The following MRTFA variants were observed in gnomAD, a reference collection of about 807,000 sequenced individuals.
MRTFA encodes myocardin-related transcription factor A.
MRTFA carries 20 observed loss-of-function variants against 83.5 expected under a neutral mutation model. The observed-to-expected ratio is 0.24, with a 90% confidence interval of 0.17 to 0.35. MRTFA has a LOEUF of 0.35. MRTFA is among the 10% of genes least tolerant of loss of function. The pLI, the probability that MRTFA is intolerant of heterozygous loss-of-function variation, is 1.00. For missense variants in MRTFA, 1,200 were observed against 1,224.7 expected, an observed-to-expected ratio of 0.98 and a Z score of 0.30; for synonymous variants, 659 against 541.2, an observed-to-expected ratio of 1.22 and a Z score of -3.02.
chr22:40,629,451 A>G (rs879572049), intron 1 of MRTFA, among the ~76,000 whole-genome samples: 2 of 143,960 alleles, frequency 1.4e-5, no homozygotes, highest in African/African-American at 2.5e-5. Flanking sequence ...GTCTCAAAAC[A>G]TAATTAAAAA....
At chr22:40,477,997 G>A (rs2054026617) in intron 3 of MRTFA, among the ~76,000 whole-genome samples, 1 of 148,982 alleles carries the variant, frequency 6.7e-6, no homozygotes, top group East Asian at 2.0e-4. Flanking sequence ...ATATACAGTT[G>A]AGTGTTCAAA....
chr22:40,552,428 G>A (rs1602419355), intron 2 of MRTFA, 61 bp from the exon 3 acceptor site: 1 of 396,042 alleles, frequency 2.5e-6, no homozygotes, highest in Non-Finnish European at 4.4e-6. Flanking sequence ...GTTTGGTGGT[G>A]TCCTCACCCA....
At chr22:40,616,781 G>A (rs1212493649) in intron 1 of MRTFA, among the ~76,000 whole-genome samples, 1 of 152,060 alleles carries the variant, frequency 6.6e-6, no homozygotes, top group Non-Finnish European at 1.5e-5. Context: ...TCCCAATGGA[G>A]ATAGAAAGTG....
intron 2 of MRTFA, among the ~76,000 whole-genome samples, chr22:40,576,543 C>T (rs1022533): frequency 0.32 from 48,699 of 151,890 alleles, 8,352 homozygotes; most frequent in East Asian, 0.63. Context: ...GATTCTAAAT[C>T]GTGGCATAAG....
intron 3 of MRTFA, among the ~76,000 whole-genome samples, chr22:40,503,984 A>T (rs200565004): frequency 6.6e-6 from 1 of 152,216 alleles, no homozygotes; most frequent in Non-Finnish European, 1.5e-5. Context: ...AACTTCATAG[A>T]TTAATTCAAA....
intron 3 of MRTFA, among the ~76,000 whole-genome samples, chr22:40,488,602 C>T (rs1244060514): frequency 6.6e-6 from 1 of 151,890 alleles, no homozygotes; most frequent in East Asian, 1.9e-4. Flanking sequence ...GAGGCCAAGG[C>T]GGGCGGATCA....
chr22:40,425,243 G>A (rs935495415), intron 7 of MRTFA, among the ~76,000 whole-genome samples: 3 of 152,236 alleles, frequency 2.0e-5, no homozygotes, highest in Non-Finnish European at 4.4e-5. Context: ...TGGGAACAGA[G>A]GCAAGGAGGC....
At chr22:40,413,329 G>T (rs1210326114) in intron 14 of MRTFA, among the ~76,000 whole-genome samples, 1 of 148,912 alleles carries the variant, frequency 6.7e-6, no homozygotes, top group Non-Finnish European at 1.5e-5. Context: ...AATTTTAGGT[G>T]TATTTTACCA....
chr22:40,499,914 CTTT>C (rs72041822), intron 3 of MRTFA, among the ~76,000 whole-genome samples: 1 of 84,926 alleles, frequency 1.2e-5, no homozygotes, highest in African/African-American at 4.5e-5. Flanking sequence ...TCAAGTAGAC[CTTT>C]TTTTTTTTTT....
chr22:40,418,956 C>T lies in MRTFA; in HGVS notation c.1782G>A (p.Leu594=), dbSNP rs769903487. 5.6e-6 allele frequency: 9 copies of T among 1,612,900 alleles called. No individual in the cohort carries two copies. The highest frequency in any genetic ancestry group is 5.9e-6 in the Non-Finnish European group (7 of 1,179,940). Reference sequence around the variant, plus strand: ...GGCCCTCCTCCTTCACGAGGATCTGCAGTGGCGAGGCCTGCAGGGTCAGCT... The same window carrying T: ...GGCCCTCCTCCTTCACGAGGATCTGTAGTGGCGAGGCCTGCAGGGTCAGCT... The change falls in exon 12 of 15, where the codon CTG becomes CTA. Residue 594 remains leucine, a synonymous_variant. Transcript: ENST00000355630.
At chr22:40,562,722 G>GA (rs1569329915) in intron 2 of MRTFA, among the ~76,000 whole-genome samples, 2 of 82,906 alleles carry the variant, frequency 2.4e-5, no homozygotes, top group African/African-American at 9.6e-5. Context: ...GGGGAAGGGG[G>GA]AAGGGGGAAG....
rs1049998020 is a variant in MRTFA at position 40,418,599 on chromosome 22, A to G, written c.2139T>C (p.Ala713=). 6 of 1,541,568 alleles carry G rather than the reference A, an allele frequency of 3.9e-6. No individual in the cohort carries two copies. The African/African-American group carries it at 6.9e-5, about 18-fold the overall frequency. ...CCACGGACGGGGGCCCCGGGGCCACAGCACAAGGGTCTATGTGGTTGGTGG... is the reference window on the plus strand; with the variant it reads ...CCACGGACGGGGGCCCCGGGGCCACGGCACAAGGGTCTATGTGGTTGGTGG... Residue 713 remains alanine (A), a synonymous_variant, in exon 12 of 15, where the codon GCT becomes GCC. Transcript: ENST00000355630.
At chr22:40,604,666 G>C (rs922732121) in intron 1 of MRTFA, among the ~76,000 whole-genome samples, 2 of 152,002 alleles carry the variant, frequency 1.3e-5, no homozygotes, top group African/African-American at 2.4e-5. Flanking sequence ...AGAATCGCTT[G>C]AACTCGGGAG....
chr22:40,498,752 C>T (rs1326991057), intron 3 of MRTFA, among the ~76,000 whole-genome samples: 2 of 152,094 alleles, frequency 1.3e-5, no homozygotes, highest in Non-Finnish European at 2.9e-5. Flanking sequence ...CAGGAGCAGG[C>T]CACAGGCAGG....
rs2053357902 is a variant in MRTFA, at chr22:40,445,421, C to T, written c.308-9867G>A. 3.3e-5 allele frequency among the ~76,000 whole-genome samples: 5 copies of T among 152,186 alleles called. No individual in the cohort carries two copies. The South Asian group carries it at 1.0e-3, about 31-fold the overall frequency. On this transcript the variant is annotated intron_variant, in intron 4 of 14. Transcript: ENST00000355630. Reference sequence around the variant, plus strand: ...ACATAACTAAGATACTTTTATCGCACCTGAAAAAATTAATTCAATATAACC... The same window carrying T: ...ACATAACTAAGATACTTTTATCGCATCTGAAAAAATTAATTCAATATAACC...
chr22:40,423,741 G>A, intron 8 of MRTFA, 56 bp from the exon 9 acceptor site: 2 of 1,447,202 alleles, frequency 1.4e-6, no homozygotes, highest in Non-Finnish European at 1.8e-6. Flanking sequence ...GGTGTGCCCA[G>A]CCTGCCCTGA....
At chr22:40,553,611 G>T (rs1173960433) in intron 2 of MRTFA, among the ~76,000 whole-genome samples, 1 of 152,202 alleles carries the variant, frequency 6.6e-6, no homozygotes, top group African/African-American at 2.4e-5. Flanking sequence ...GATTTCAGAG[G>T]ATGTATGGCA....
At chr22:40,603,964 T>C (rs144760771) in intron 1 of MRTFA, among the ~76,000 whole-genome samples, 15 of 152,010 alleles carry the variant, frequency 9.9e-5, no homozygotes, top group African/African-American at 3.6e-4. Context: ...GTTCATTGCA[T>C]TATTCTCCTT....
intron 3 of MRTFA, among the ~76,000 whole-genome samples, chr22:40,546,882 G>A (rs1005448306): frequency 1.5e-4 from 23 of 152,120 alleles, no homozygotes; most frequent in African/African-American, 1.9e-4. Flanking sequence ...ATTGCCAGGC[G>A]CGGTGGATCA....
Sources: allele counts gnomAD v4.1 joint callset (sites outside exome capture counted in the v4.1 genomes callset), GRCh38; gene constraint gnomAD v4.1.1; transcripts MANE v1.5; gene names NCBI Gene and HGNC (gene_info 2026-07-23, HGNC 2026-07-21).